Variants in CSMD1 observed in about 807,000 individuals in gnomAD.
CSMD1 encodes the protein CUB and Sushi multiple domains 1.
In CSMD1, 213 loss-of-function variants were observed where a neutral mutation model predicts 417.5. The ratio of observed to expected loss-of-function variants is 0.51; its 90% CI spans 0.46 to 0.57. The LOEUF is 0.57. CSMD1 is among the 20% of genes least tolerant of loss of function. CSMD1 has a pLI of 0.00. For synonymous variants in CSMD1, 2,862 were observed against 1,736.8 expected (o/e 1.65, Z -16.11); for missense variants, 6,923 against 4,529.7 (o/e 1.53, Z -15.17).
chr8:3,823,779 C>T (rs1180260448), intron 5 of CSMD1, among the ~76,000 whole-genome samples: 1 of 152,082 alleles, frequency 6.6e-6, no homozygotes, highest in African/African-American at 2.4e-5. Context: ...TTTTGTCAGT[C>T]TTGGTCAGTT....
chr8:4,248,915 G>C (rs1802879030), intron 3 of CSMD1, among the ~76,000 whole-genome samples: 1 of 152,110 alleles, frequency 6.6e-6, no homozygotes, highest in Admixed American at 6.5e-5. Flanking sequence ...ACCATATTGA[G>C]AATGCCTATT....
At chr8:4,032,349 CCTG>C (rs1179532934) in intron 3 of CSMD1, among the ~76,000 whole-genome samples, 3 of 152,090 alleles carry the variant, frequency 2.0e-5, no homozygotes, top group Non-Finnish European at 4.4e-5. Context: ...AAAATATAGT[CCTG>C]CTTTTATTCA....
At chr8:3,741,738 G>A (rs1796814382) in intron 6 of CSMD1, among the ~76,000 whole-genome samples, 5 of 152,130 alleles carry the variant, frequency 3.3e-5, no homozygotes, top group African/African-American at 1.2e-4. Flanking sequence ...TGAGAAAGAA[G>A]AAAATACCCA....
intron 26 of CSMD1, among the ~76,000 whole-genome samples, chr8:3,269,566 C>T (rs12549534): frequency 0.34 from 52,016 of 151,938 alleles, 8,989 homozygotes; most frequent in African/African-American, 0.39. Flanking sequence ...ATTACTACCA[C>T]TATTTACGGA....
chr8:3,609,097 A>G (rs1009929036), intron 8 of CSMD1, among the ~76,000 whole-genome samples: 2 of 152,214 alleles, frequency 1.3e-5, no homozygotes, highest in African/African-American at 2.4e-5. Flanking sequence ...AGAAGCTTTG[A>G]TATCAGTAGG....
At chr8:4,585,098 GAA>G (rs148008422) in intron 2 of CSMD1, among the ~76,000 whole-genome samples, 14,901 of 138,942 alleles carry the variant, frequency 0.11, 1,080 homozygotes, top group African/African-American at 0.21. Flanking sequence ...CAAAAACTGA[GAA>G]AAAAAAAAAA....
intron 1 of CSMD1, among the ~76,000 whole-genome samples, chr8:4,793,004 ATATC>A (rs1390474851): frequency 7.2e-5 from 10 of 139,562 alleles, no homozygotes; most frequent in African/African-American, 1.0e-4. Context: ...ATATATATAT[ATATC>A]TCCACACACA....
chr8:3,965,451 G>A (rs781018303), intron 5 of CSMD1, among the ~76,000 whole-genome samples: 1 of 152,138 alleles, frequency 6.6e-6, no homozygotes, highest in Non-Finnish European at 1.5e-5. Flanking sequence ...ATGTTTATGC[G>A]TAGAATTCTC....
chr8:3,152,085 C>A (rs1313721910), intron 39 of CSMD1, among the ~76,000 whole-genome samples: 1 of 152,202 alleles, frequency 6.6e-6, no homozygotes, highest in Non-Finnish European at 1.5e-5. Context: ...CAAGTTTCAG[C>A]CACCACACAT....
chr8:4,773,825 A>G (rs1350840438), intron 1 of CSMD1, among the ~76,000 whole-genome samples: 2 of 152,216 alleles, frequency 1.3e-5, no homozygotes, highest in African/African-American at 4.8e-5. Flanking sequence ...AAAGTTAAAA[A>G]AATAAAAATT....
intron 3 of CSMD1, among the ~76,000 whole-genome samples, chr8:4,319,800 C>G (rs533132225): frequency 2.6e-5 from 4 of 152,098 alleles, no homozygotes; most frequent in Non-Finnish European, 5.9e-5. Flanking sequence ...GAGAGCTTCA[C>G]AAGAGATGTG....
At chr8:4,744,622 G>C (rs1256568641) in intron 1 of CSMD1, among the ~76,000 whole-genome samples, 3 of 152,084 alleles carry the variant, frequency 2.0e-5, no homozygotes, top group Non-Finnish European at 2.9e-5. Context: ...CATTTTCATA[G>C]GAGCAACTCT....
chr8:4,879,945 CGTT>C (rs1452144349), intron 1 of CSMD1, among the ~76,000 whole-genome samples: 8 of 152,080 alleles, frequency 5.3e-5, no homozygotes, highest in Admixed American at 5.2e-4. Flanking sequence ...TTCATTTTGT[CGTT>C]GTTGTTGAGG....
At chr8:4,793,092 T>C (rs1005635887) in intron 1 of CSMD1, among the ~76,000 whole-genome samples, 6 of 152,230 alleles carry the variant, frequency 3.9e-5, no homozygotes, top group Non-Finnish European at 8.8e-5. Context: ...AGCACTGTCA[T>C]ATACAATTTT....
chr8:3,761,912 T>C (rs1437527508), intron 5 of CSMD1, among the ~76,000 whole-genome samples: 3 of 152,036 alleles, frequency 2.0e-5, no homozygotes, highest in African/African-American at 7.2e-5. Flanking sequence ...TCCCTCTGGC[T>C]CTCTTTTTTC....
chr8:3,256,007 TC>T (rs774869551), intron 26 of CSMD1, among the ~76,000 whole-genome samples: 1 of 152,078 alleles, frequency 6.6e-6, no homozygotes, highest in Non-Finnish European at 1.5e-5. Flanking sequence ...CCATCTTGGC[TC>T]CCATCCAAGT....
At chr8:3,581,932 G>A (rs1025599978) in intron 9 of CSMD1, among the ~76,000 whole-genome samples, 8 of 152,104 alleles carry the variant, frequency 5.3e-5, no homozygotes, top group African/African-American at 1.7e-4. Flanking sequence ...AGCCTCCCGA[G>A]TAGCTGGGAT....
intron 2 of CSMD1, among the ~76,000 whole-genome samples, chr8:4,504,289 G>C (rs964679552): frequency 6.6e-6 from 1 of 152,148 alleles, no homozygotes; most frequent in African/African-American, 2.4e-5. Context: ...CAGAAGCAGA[G>C]AAAAGAATGG....
chr8:3,165,477 G>T (rs1480887323), intron 37 of CSMD1, among the ~76,000 whole-genome samples: 1 of 151,670 alleles, frequency 6.6e-6, no homozygotes, highest in Non-Finnish European at 1.5e-5. Context: ...TGTCGCCCAG[G>T]CTGGAGTGCA....
Sources: gnomAD v4.1 joint callset for allele counts (sites outside exome capture counted in the v4.1 genomes callset) on GRCh38, gnomAD v4.1.1 for gene constraint, MANE v1.5 for transcripts, NCBI Gene and HGNC (gene_info 2026-07-23, HGNC 2026-07-21) for gene names.